FOXN3: variants seen among roughly 807,000 people sequenced by gnomAD.
FOXN3 encodes forkhead box protein N3.
Under a neutral mutation model 38.4 loss-of-function variants are expected in FOXN3, and 7 were observed. The observed-to-expected ratio is 0.18, with a 90% confidence interval of 0.10 to 0.34. The LOEUF (loss-of-function observed/expected upper bound fraction) is 0.34, where lower values mean the gene tolerates loss of function less well. Among genes scored for constraint, FOXN3 ranks in the 10% least tolerant of loss-of-function variants. FOXN3 has a pLI of 1.00. For missense variants in FOXN3, 456 were observed against 613.4 expected, an observed-to-expected ratio of 0.74 and a Z score of 2.71; for synonymous variants, 230 against 242.2, an observed-to-expected ratio of 0.95 and a Z score of 0.47.
chr14:89,213,977 G>A (rs77848876), intron 4 of FOXN3, among the ~76,000 whole-genome samples: 7,260 of 152,150 alleles, frequency 0.048, 416 homozygotes, highest in African/African-American at 0.13. Context: ...GTTTTCTCAC[G>A]GATCTTTAAA....
intron 2 of FOXN3, among the ~76,000 whole-genome samples, chr14:89,354,313 C>T (rs1380129053): frequency 6.6e-5 from 10 of 150,972 alleles, no homozygotes; most frequent in African/African-American, 1.7e-4. Flanking sequence ...TTGCAATCTC[C>T]GCCTCCCAGG....
intron 1 of FOXN3, among the ~76,000 whole-genome samples, chr14:89,447,020 A>C (rs1024182224): frequency 1.3e-5 from 2 of 152,102 alleles, no homozygotes; most frequent in Non-Finnish European, 2.9e-5. Flanking sequence ...AACATGGAGA[A>C]ACCCCGTCTC....
chr14:89,399,113 C>A (rs1269952186), intron 2 of FOXN3, among the ~76,000 whole-genome samples: 1 of 152,268 alleles, frequency 6.6e-6, no homozygotes, highest in African/African-American at 2.4e-5. Context: ...TTCCGAGCAG[C>A]TATCTTGATC....
rs536629076 is a variant in FOXN3, at chr14:89,298,709, T to A, written c.681-17695A>T. Among the ~76,000 whole-genome samples the A allele has an allele frequency of 1.7e-4, 26 of 152,234 alleles. No homozygotes were observed. In the South Asian group the frequency reaches 5.4e-3, roughly 32 times the overall value. ...CTCATCCATTCACTGAATAAACATG[T>A]TTTTACATTGCTATGAGGACGCTGT... is the stretch of plus-strand genomic sequence containing the variant. On this transcript the variant is annotated intron_variant, in intron 3 of 5. Coordinates refer to ENST00000557258, the MANE Select transcript of FOXN3 (RefSeq NM_005197.4).
chr14:89,350,400 C>T (rs772679060), intron 3 of FOXN3: 7 of 284,910 alleles, frequency 2.5e-5, no homozygotes, highest in Non-Finnish European at 4.5e-5. Flanking sequence ...TGAAAGCTGT[C>T]GACTTTTCTT....
chr14:89,172,866 TA>T (rs1235346225), intron 5 of FOXN3, among the ~76,000 whole-genome samples: 1 of 152,170 alleles, frequency 6.6e-6, no homozygotes, highest in Non-Finnish European at 1.5e-5. Context: ...ACTCAAATAA[TA>T]AGACTTAAAT....
At chr14:89,425,057 CTTTTCTTTTTTTT>C (rs1566651761) in intron 1 of FOXN3, among the ~76,000 whole-genome samples, 1 of 76,010 alleles carries the variant, frequency 1.3e-5, no homozygotes, top group African/African-American at 4.2e-5. Context: ...GTTTTGTTTT[CTTTTCTTTTTTTT>C]TTTTTTTTTT....
rs981275171 is a variant in FOXN3, at chr14:89,163,147, A to G, written c.852-178T>C. On this transcript the variant is annotated intron_variant, in intron 5 of 5. Coordinates refer to ENST00000557258, the MANE Select transcript of FOXN3 (RefSeq NM_005197.4). This position sits in a 1 kb window ranked among gnomAD's most constrained non-coding sequence, Gnocchi z 4.3. ...GATCTGCTTTGAAGGCAGGGTCCTAAATCCTGACACCTCAGTCTCCCCTGC... is the reference window on the plus strand; with the variant it reads ...GATCTGCTTTGAAGGCAGGGTCCTAGATCCTGACACCTCAGTCTCCCCTGC... Among the ~76,000 whole-genome samples the G allele has an allele frequency of 1.4e-4, 22 of 152,130 alleles. No individual in the cohort carries two copies. Among genetic ancestry groups the G allele is most frequent in the African/African-American group, 5.3e-4 (22 of 41,418 alleles).
chr14:89,193,243 A>G (rs1449982645), intron 4 of FOXN3, among the ~76,000 whole-genome samples: 1 of 149,362 alleles, frequency 6.7e-6, no homozygotes, highest in Non-Finnish European at 1.5e-5. Flanking sequence ...CTGGGCCCAG[A>G]ACAAGAAGAA....
chr14:89,297,662 C>G (rs1377895398), intron 3 of FOXN3, among the ~76,000 whole-genome samples: 2 of 152,108 alleles, frequency 1.3e-5, no homozygotes, highest in Non-Finnish European at 2.9e-5. Context: ...TGAAGAGATA[C>G]TCGTACACCC....
At chr14:89,497,645 C>T (rs1311890142) in intron 1 of FOXN3, among the ~76,000 whole-genome samples, 2 of 151,970 alleles carry the variant, frequency 1.3e-5, no homozygotes, top group East Asian at 3.9e-4. Context: ...TCAGGTGATC[C>T]GCCTACCTCA....
intron 2 of FOXN3, among the ~76,000 whole-genome samples, chr14:89,399,711 G>C (rs1194155933): frequency 6.6e-6 from 1 of 152,142 alleles, no homozygotes; most frequent in African/African-American, 2.4e-5. Context: ...AAGGGGGAGG[G>C]GCTGCGATCT....
chr14:89,206,255 C>T (rs755153832), intron 4 of FOXN3, among the ~76,000 whole-genome samples: 19 of 152,170 alleles, frequency 1.2e-4, no homozygotes, highest in Non-Finnish European at 2.4e-4. Flanking sequence ...ATAAAGGAGG[C>T]CCAAGCGTGA....
upstream of FOXN3, among the ~76,000 whole-genome samples, chr14:89,417,994 A>G (rs1312731524): frequency 6.6e-6 from 1 of 152,226 alleles, no homozygotes; most frequent in Non-Finnish European, 1.5e-5. Flanking sequence ...AACCAGACTG[A>G]CAATTCGCAA....
chr14:89,396,632 G>T (rs892558764), intron 2 of FOXN3, among the ~76,000 whole-genome samples: 1 of 152,130 alleles, frequency 6.6e-6, no homozygotes, highest in Non-Finnish European at 1.5e-5. Context: ...AGGAGTTCAA[G>T]ACCAGCCTGG....
At chr14:89,246,810 A>AT (rs1270498947) in intron 4 of FOXN3, among the ~76,000 whole-genome samples, 3 of 152,082 alleles carry the variant, frequency 2.0e-5, no homozygotes, top group African/African-American at 7.2e-5. Context: ...AAGTGCTGGG[A>AT]TTACAAGCGT....
Position 89,285,858 on chromosome 14 carries a change from C to CA in FOXN3, c.681-4845dup, listed in dbSNP as rs757375047. Among the ~76,000 whole-genome samples, 664 of 120,664 alleles carry CA rather than the reference C, an allele frequency of 5.5e-3. 2 individuals carry two copies. Among genetic ancestry groups the CA allele is most frequent in the African/African-American group, 0.018 (606 of 34,458 alleles). The allele number at this position is 120,664 out of a possible 152,430, so 79.2% of individuals were successfully genotyped here. A position where few individuals can be genotyped will look rare whatever the true frequency, so the allele number is the denominator to read the frequency against. On this transcript the variant is annotated intron_variant, in intron 3 of 5. Transcript: ENST00000557258. ...AGATGGTAAATTATATGTATTTTACCAAAAATTTTTTTTTTTTTTTTTTTT... is the reference window on the plus strand; with the variant it reads ...AGATGGTAAATTATATGTATTTTACCAAAAAATTTTTTTTTTTTTTTTTTTT...
intron 1 of FOXN3, among the ~76,000 whole-genome samples, chr14:89,434,456 G>A (rs1892232885): frequency 1.3e-5 from 2 of 151,856 alleles, no homozygotes; most frequent in African/African-American, 4.8e-5. Context: ...TCTTGAACTT[G>A]TGACCTCAGG....
chr14:89,524,400 AAAAGAAAG>A (rs747350987), intron 1 of FOXN3, among the ~76,000 whole-genome samples: 19 of 54,438 alleles, frequency 3.5e-4, no homozygotes, highest in Middle Eastern at 0.014. Flanking sequence ...AAAAAAAAAA[AAAAGAAAG>A]AAAGAAACTA....
Sources: gnomAD v4.1 joint callset for allele counts (sites outside exome capture counted in the v4.1 genomes callset) on GRCh38, gnomAD v4.1.1 for gene constraint, Gnocchi (gnomAD v3.1) non-coding constraint, MANE v1.5 for transcripts, NCBI Gene and HGNC (gene_info 2026-07-23, HGNC 2026-07-21) for gene names.